Variants in NAA16 observed in about 807,000 individuals in gnomAD.
NAA16 encodes NARG1-like protein.
NAA16 carries 97 observed loss-of-function variants against 110.3 expected under a neutral mutation model. That is an observed-to-expected ratio of 0.88 (90% CI 0.75 to 1.04). NAA16 has a LOEUF of 1.04. Ranked by LOEUF, NAA16 falls within the 50% of genes least tolerant of loss-of-function variation. The pLI, the probability that NAA16 is intolerant of heterozygous loss-of-function variation, is 0.00. For missense variants in NAA16, 1,017 were observed against 1,005.1 expected (o/e 1.01, Z -0.16); for synonymous variants, 372 against 330.6 (o/e 1.13, Z -1.36).
chr13:41,319,791 A>G (rs1467302557), intron 3 of NAA16, among the ~76,000 whole-genome samples: 2 of 152,030 alleles, frequency 1.3e-5, no homozygotes, highest in Non-Finnish European at 2.9e-5. Flanking sequence ...TGCTGGGATT[A>G]CAGGTGTGAG....
chr13:41,341,282 G>A (rs1176386211), intron 9 of NAA16, among the ~76,000 whole-genome samples: 3 of 152,128 alleles, frequency 2.0e-5, no homozygotes, highest in Non-Finnish European at 4.4e-5. Flanking sequence ...TTTTACTGAA[G>A]ATAATGATAA....
rs201549500 is a variant in NAA16, at chr13:41,355,394, C to G, written c.1087+178C>G. Among the ~76,000 whole-genome samples the G allele has an allele frequency of 1.4e-4, 22 of 152,174 alleles. No homozygotes were observed. In the East Asian group the frequency reaches 4.0e-3, roughly 28 times the overall value. On this transcript the variant is annotated intron_variant, in intron 10 of 19. Coordinates refer to ENST00000379406, the MANE Select transcript of NAA16 (RefSeq NM_024561.5). ...TACTTAATTTAAATTTTCCATAATC[C>G]TATGAGATGGGAGTTAACCTTGTGC...
In NAA16 at chr13:41,372,288, C is replaced by T. The variant is rs778327163; in HGVS notation, c.2033C>T (p.Ala678Val). ...GATAACATTGACACTCATCTGTTAG[C>T]ATTTGAAATATATTTTAGAAAAGGT... ...VADNIDTHLL[A>V]FEIYFRKGKF... The change falls in exon 16 of 20, where the codon GCA becomes GTA. Residue 678 changes from alanine to valine, a missense_variant. By Grantham distance (64) the Ala-to-Val change is moderately conservative. Transcript: ENST00000379406. 4 of 1,594,734 alleles carry T rather than the reference C, an allele frequency of 2.5e-6. No homozygotes were observed. The African/African-American group carries it at 5.4e-5, about 22-fold the overall frequency.
rs780133464 is a variant in NAA16 at position 41,358,799 on chromosome 13, A to G, written c.1258-11A>G. 23 of 1,555,494 alleles carry G rather than the reference A, an allele frequency of 1.5e-5. No homozygotes were observed. The highest frequency in any genetic ancestry group is 2.0e-5 in the Admixed American group (1 of 50,056). Reference sequence around the variant, plus strand: ...ATTATAAATTGTGGTTCCTTTAATTATCTTTTATAGCATATAGGTAATCTC... The same window carrying G: ...ATTATAAATTGTGGTTCCTTTAATTGTCTTTTATAGCATATAGGTAATCTC... On this transcript the variant is annotated splice_polypyrimidine_tract_variant and intron_variant, in intron 11 of 19. Coordinates refer to ENST00000379406, the MANE Select transcript of NAA16 (RefSeq NM_024561.5).
chr13:41,316,678 T>A (rs2041819736), intron 1 of NAA16, among the ~76,000 whole-genome samples, 168 bp from the exon 2 acceptor site: 1 of 152,200 alleles, frequency 6.6e-6, no homozygotes, highest in African/African-American at 2.4e-5. Flanking sequence ...TTAGAACAAT[T>A]TGACAAGAAT....
chr13:41,363,366 G>A (rs1278419256), intron 13 of NAA16, among the ~76,000 whole-genome samples: 1 of 152,142 alleles, frequency 6.6e-6, no homozygotes, highest in Non-Finnish European at 1.5e-5. Context: ...TTACGAATTA[G>A]TAATTTCAGC....
At chr13:41,360,458 C>G (rs76136482) in intron 12 of NAA16, among the ~76,000 whole-genome samples, 1,837 of 152,168 alleles carry the variant, frequency 0.012, 31 homozygotes, top group African/African-American at 0.041. Context: ...AACAGAAAGC[C>G]CAGTGACACT....
intron 17 of NAA16, 142 bp downstream of exon 17, chr13:41,372,972 A>C (rs1273788015): frequency 8.8e-7 from 1 of 1,130,632 alleles, no homozygotes; most frequent in African/African-American, 1.6e-5. Flanking sequence ...TCATGATACA[A>C]ATCCTCTGAT....
intron 6 of NAA16, among the ~76,000 whole-genome samples, chr13:41,327,406 G>A (rs1314071672): frequency 1.3e-5 from 2 of 150,692 alleles, no homozygotes; most frequent in African/African-American, 4.9e-5. Context: ...TTGTCCTGTA[G>A]CATCAATAGG....
intron 9 of NAA16, among the ~76,000 whole-genome samples, chr13:41,342,241 G>A (rs1003898468): frequency 7.2e-6 from 1 of 138,486 alleles, no homozygotes; most frequent in African/African-American, 2.7e-5. Context: ...AGGTTCAAGC[G>A]AGCCTCCTGC....
chr13:41,358,675 T>C (rs1593510437), intron 11 of NAA16, 135 bp from the exon 12 acceptor site: 1 of 1,434,500 alleles, frequency 7.0e-7, no homozygotes, highest in East Asian at 2.5e-5. Flanking sequence ...AAATGTGAAC[T>C]GTAATTTTGA....
chr13:41,359,023 CTAAATTAAGACAG>C, intron 12 of NAA16, 61 bp downstream of exon 12: 1 of 1,407,870 alleles, frequency 7.1e-7, no homozygotes, highest in Non-Finnish European at 9.6e-7. Flanking sequence ...TGAAGTTTGT[CTAAATTAAGACAG>C]TTTGTGAAGA....
chr13:41,321,359 T>G (rs2041942351), intron 4 of NAA16, among the ~76,000 whole-genome samples: 1 of 152,194 alleles, frequency 6.6e-6, no homozygotes, highest in African/African-American at 2.4e-5. Context: ...ATTTAAAAAT[T>G]AGAGACAAGG....
intron 6 of NAA16, among the ~76,000 whole-genome samples, chr13:41,328,375 G>C (rs557804865): frequency 7.2e-5 from 11 of 152,052 alleles, no homozygotes; most frequent in Non-Finnish European, 1.6e-4. Context: ...AGGAAGATAG[G>C]AATGTTTCAC....
chr13:41,322,898 A>G (rs1032074418), intron 4 of NAA16, among the ~76,000 whole-genome samples, 158 bp from the exon 5 acceptor site: 2 of 152,214 alleles, frequency 1.3e-5, no homozygotes, highest in African/African-American at 4.8e-5. Context: ...GAACTTTAGT[A>G]TTTTAGGTAG....
intron 6 of NAA16, among the ~76,000 whole-genome samples, chr13:41,327,682 T>A (rs2139402702): frequency 6.8e-6 from 1 of 146,420 alleles, no homozygotes; most frequent in Middle Eastern, 3.5e-3. Context: ...CTATTATATC[T>A]GGGATAAGCA....
At chr13:41,316,703 C>T in intron 1 of NAA16, 143 bp from the exon 2 acceptor site, 1 of 564,100 alleles carries the variant, frequency 1.8e-6, no homozygotes, top group Non-Finnish European at 3.2e-6. Context: ...AACAAAAGTA[C>T]ACTGCATGTT....
At chr13:41,316,358 G>A (rs1432439589) in intron 1 of NAA16, among the ~76,000 whole-genome samples, 1 of 150,698 alleles carries the variant, frequency 6.6e-6, no homozygotes, top group Non-Finnish European at 1.5e-5. Flanking sequence ...CCAGGCTGGA[G>A]TGCAGTGGTG....
chr13:41,352,225 C>G (rs1189717991), intron 9 of NAA16, among the ~76,000 whole-genome samples: 1 of 152,018 alleles, frequency 6.6e-6, no homozygotes, highest in East Asian at 1.9e-4. Flanking sequence ...GCCTGTAGTC[C>G]CAGCTACTCA....
Sources: allele counts gnomAD v4.1 joint callset (sites outside exome capture counted in the v4.1 genomes callset), GRCh38; gene constraint gnomAD v4.1.1; transcripts MANE v1.5; gene names NCBI Gene and HGNC (gene_info 2026-07-23, HGNC 2026-07-21).